The following PDE8A variants were observed in gnomAD, a reference collection of about 807,000 sequenced individuals.
PDE8A encodes high affinity cAMP-specific and IBMX-insensitive 3',5'-cyclic phosphodiesterase 8A.
Under a neutral mutation model 105.0 loss-of-function variants are expected in PDE8A, and 59 were observed. The observed-to-expected ratio is 0.56, with a 90% CI of 0.46 to 0.70. The LOEUF is 0.70. PDE8A is among the 30% of genes least tolerant of loss of function. The pLI is 0.00. For missense variants in PDE8A, 1,014 were observed against 1,045.9 expected, an observed-to-expected ratio of 0.97 and a Z score of 0.42; for synonymous variants, 355 against 371.9, an observed-to-expected ratio of 0.95 and a Z score of 0.52.
chr15:85,116,925 C>T (rs915388493), intron 16 of PDE8A, among the ~76,000 whole-genome samples: 1 of 152,238 alleles, frequency 6.6e-6, no homozygotes, highest in Non-Finnish European at 1.5e-5. Context: ...ATCTGGTTTA[C>T]ATGCTAGTGA....
chr15:84,991,078 A>G (rs2079878212), intron 1 of PDE8A, among the ~76,000 whole-genome samples: 1 of 152,232 alleles, frequency 6.6e-6, no homozygotes, highest in Admixed American at 6.5e-5. Flanking sequence ...TTAAAAGGAA[A>G]TATAAACATT....
At chr15:85,115,698 G>C in intron 15 of PDE8A, 2 of 542,158 alleles carry the variant, frequency 3.7e-6, no homozygotes, top group South Asian at 5.0e-5. Context: ...GAGATGGGCA[G>C]ATCACAAGGT....
intron 1 of PDE8A, among the ~76,000 whole-genome samples, chr15:85,016,342 G>T (rs2080324547): frequency 6.6e-6 from 1 of 151,770 alleles, no homozygotes; most frequent in Non-Finnish European, 1.5e-5. Flanking sequence ...AATCCATTTG[G>T]AATTTATCTT....
chr15:85,014,090 G>C (rs374469461), intron 1 of PDE8A, among the ~76,000 whole-genome samples: 2 of 152,084 alleles, frequency 1.3e-5, no homozygotes, highest in Non-Finnish European at 2.9e-5. Flanking sequence ...GATGATACAC[G>C]ATCTTGTGAT....
intron 8 of PDE8A, among the ~76,000 whole-genome samples, chr15:85,095,694 C>T (rs915043250): frequency 6.6e-5 from 10 of 151,664 alleles, no homozygotes; most frequent in Admixed American, 2.0e-4. Context: ...TTTGTTTCCT[C>T]TGGTGACTGG....
intron 1 of PDE8A, among the ~76,000 whole-genome samples, chr15:85,052,087 C>T (rs905717225): frequency 2.0e-5 from 3 of 151,904 alleles, no homozygotes; most frequent in Admixed American, 6.6e-5. Flanking sequence ...GTTTTCTGTC[C>T]TTGCAATAGT....
chr15:85,098,439 A>C (rs2081797680), intron 9 of PDE8A, among the ~76,000 whole-genome samples: 1 of 152,242 alleles, frequency 6.6e-6, no homozygotes, highest in African/African-American at 2.4e-5. Context: ...TTTAAATACT[A>C]ACAGTTATGG....
At chr15:85,005,902 G>A (rs767012133) in intron 1 of PDE8A, among the ~76,000 whole-genome samples, 23 of 152,218 alleles carry the variant, frequency 1.5e-4, no homozygotes, top group Admixed American at 7.2e-4. Flanking sequence ...AGTGAGGTCA[G>A]TATGTGGAAA....
chr15:84,980,525 G>T (rs926746094), upstream of PDE8A: 1 of 152,432 alleles, frequency 6.6e-6, no homozygotes, highest in African/African-American at 2.4e-5. Context: ...GGAGAGGACA[G>T]GAAGGAGCCG....
chr15:85,114,355 A>T (rs998418211), intron 14 of PDE8A, among the ~76,000 whole-genome samples: 3 of 152,204 alleles, frequency 2.0e-5, no homozygotes, highest in African/African-American at 7.2e-5. Context: ...AGTTGTATTA[A>T]AGATCTTCAA....
At chr15:85,089,743 C>A (rs561124274) in intron 7 of PDE8A, among the ~76,000 whole-genome samples, 3 of 152,106 alleles carry the variant, frequency 2.0e-5, no homozygotes, top group Admixed American at 6.6e-5. Context: ...TGCTGTTGTA[C>A]GAAGGGGAAT....
At chr15:85,053,874 G>T (rs1478017742) in intron 1 of PDE8A, among the ~76,000 whole-genome samples, 1 of 152,230 alleles carries the variant, frequency 6.6e-6, no homozygotes. Flanking sequence ...AGTGGTGAGA[G>T]AGGGCATCCC....
chr15:85,022,642 G>A (rs984150397), intron 1 of PDE8A, among the ~76,000 whole-genome samples: 3 of 151,032 alleles, frequency 2.0e-5, no homozygotes, highest in Admixed American at 1.3e-4. Flanking sequence ...TCTGCCTCCC[G>A]GGTTGAAGCA....
chr15:85,057,190 C>G (rs1266490242), intron 1 of PDE8A, among the ~76,000 whole-genome samples: 1 of 152,170 alleles, frequency 6.6e-6, no homozygotes, highest in Non-Finnish European at 1.5e-5. Flanking sequence ...CAGAGGTGCA[C>G]CCAGCCGTAT....
At chr15:85,005,267 A>G (rs1009317559) in intron 1 of PDE8A, among the ~76,000 whole-genome samples, 6 of 152,040 alleles carry the variant, frequency 3.9e-5, no homozygotes, top group African/African-American at 7.2e-5. Flanking sequence ...GCCATGCACC[A>G]CCACATCTGG....
At chr15:85,093,896 G>C (rs939931423) in intron 8 of PDE8A, among the ~76,000 whole-genome samples, 1 of 150,072 alleles carries the variant, frequency 6.7e-6, no homozygotes. Context: ...GACTTGATCT[G>C]TCACCCAGGC....
intron 11 of PDE8A, among the ~76,000 whole-genome samples, chr15:85,104,920 A>C (rs557456501): frequency 6.6e-6 from 1 of 152,184 alleles, no homozygotes; most frequent in Non-Finnish European, 1.5e-5. Context: ...ATTCATCCAA[A>C]CTCAGTGCAG....
rs1295462458 is a variant in PDE8A, at chr15:85,117,790, C to G, written c.1685C>G (p.Ala562Gly). 2.5e-6 allele frequency: 4 copies of G among 1,613,978 alleles called. No homozygotes were observed. Among genetic ancestry groups the G allele is most frequent in the Non-Finnish European group, 3.4e-6 (4 of 1,179,846 alleles). Residue 562 changes from alanine to glycine, a missense_variant, in exon 17 of 22, where the codon GCT becomes GGT. By Grantham distance (60) the Ala-to-Gly change is moderately conservative. Coordinates refer to ENST00000394553, the MANE Select transcript of PDE8A (RefSeq NM_002605.3). ...CCCTACCACAATTCTACACATTCTG[C>G]TGATGTGCTTCATGCCACTGCCTAT... ...SNPYHNSTHS[A>G]DVLHATAYFL... is the part of the protein sequence containing the mutation.
chr15:84,986,336 T>C (rs1021012327), intron 1 of PDE8A, among the ~76,000 whole-genome samples: 1 of 152,190 alleles, frequency 6.6e-6, no homozygotes, highest in African/African-American at 2.4e-5. Context: ...CAGCACTCAC[T>C]TAAAATCTCA....
Sources: allele counts gnomAD v4.1 joint callset (sites outside exome capture counted in the v4.1 genomes callset), GRCh38; gene constraint gnomAD v4.1.1; transcripts MANE v1.5; gene names NCBI Gene and HGNC (gene_info 2026-07-23, HGNC 2026-07-21).